The following NUBPL variants were observed in gnomAD, a reference collection of about 807,000 sequenced individuals.
NUBPL encodes NUBP iron-sulfur cluster assembly factor, mitochondrial.
In NUBPL, 31 loss-of-function variants were observed where a neutral mutation model predicts 45.7. The ratio of observed to expected loss-of-function variants is 0.68; its 90% CI spans 0.51 to 0.92. The LOEUF is 0.92. Ranked by LOEUF, NUBPL falls within the 40% of genes least tolerant of loss-of-function variation. The pLI, the probability that NUBPL is intolerant of heterozygous loss-of-function variation, is 0.00. For missense variants in NUBPL, 401 were observed against 398.7 expected (o/e 1.01, Z -0.05); for synonymous variants, 144 against 140.9 (o/e 1.02, Z -0.15).
intron 6 of NUBPL, among the ~76,000 whole-genome samples, chr14:31,687,659 C>A (rs1010759992): frequency 6.6e-6 from 1 of 152,208 alleles, no homozygotes; most frequent in African/African-American, 2.4e-5. Flanking sequence ...CAGTTCATTT[C>A]TCCAATCAAT....
chr14:31,826,238 A>G (rs2138966399), intron 7 of NUBPL, among the ~76,000 whole-genome samples: 1 of 152,220 alleles, frequency 6.6e-6, no homozygotes, highest in African/African-American at 2.4e-5. Flanking sequence ...CTCCTGCCGC[A>G]GCCTCCCAAG....
intron 6 of NUBPL, among the ~76,000 whole-genome samples, chr14:31,677,861 G>A (rs1180772831): frequency 2.0e-5 from 3 of 152,174 alleles, no homozygotes; most frequent in African/African-American, 4.8e-5. Flanking sequence ...GTGGCAAAGC[G>A]AGACAGGCTT....
At position 31,561,470 on chromosome 14, in the gene NUBPL, G is replaced by A; in HGVS notation, c.31G>A (p.Gly11Ser). 2.1e-6 allele frequency: 3 copies of A among 1,418,458 alleles called. No homozygotes were observed. The highest frequency in any genetic ancestry group is 2.6e-5 in the Admixed American group (1 of 39,012). 87.9% of individuals were successfully genotyped at this position (1,418,458 alleles called of 1,614,324 possible). A position where few individuals can be genotyped will look rare whatever the true frequency, so the allele number is the denominator to read the frequency against. ...GATTTGGCAGCGTCTGCTGCTTTTT[G>A]GTGGGGTGTCGCTCCGGGCTGGTGG... MGIWQRLLLF[G>S]GVSLRAGGGA... The change falls in exon 1 of 11, where the codon GGT becomes AGT. Residue 11 changes from glycine (G) to serine (S), a missense_variant. Coordinates refer to ENST00000281081, the MANE Select transcript of NUBPL (RefSeq NM_025152.3).
At chr14:31,636,301 GC>G (rs1386003688) in intron 4 of NUBPL, among the ~76,000 whole-genome samples, 1 of 152,012 alleles carries the variant, frequency 6.6e-6, no homozygotes, top group Non-Finnish European at 1.5e-5. Context: ...TTAGCATGAA[GC>G]GTTGTTGAAT....
At chr14:31,779,801 C>T (rs936260143) in intron 6 of NUBPL, among the ~76,000 whole-genome samples, 1 of 152,170 alleles carries the variant, frequency 6.6e-6, no homozygotes, top group Non-Finnish European at 1.5e-5. Flanking sequence ...AACTTTTTCT[C>T]TCCACAGTGA....
At chr14:31,583,738 T>A (rs2033923526) in intron 3 of NUBPL, among the ~76,000 whole-genome samples, 1 of 152,108 alleles carries the variant, frequency 6.6e-6, no homozygotes. Flanking sequence ...GGTTAGGCTA[T>A]TACAGTAACC....
At chr14:31,752,970 C>T (rs1039432626) in intron 6 of NUBPL, among the ~76,000 whole-genome samples, 12 of 152,130 alleles carry the variant, frequency 7.9e-5, no homozygotes, top group African/African-American at 2.2e-4. Context: ...CATCAGATCT[C>T]GTGAGAACTC....
chr14:31,730,871 G>A (rs2038034974), intron 6 of NUBPL, among the ~76,000 whole-genome samples: 1 of 152,148 alleles, frequency 6.6e-6, no homozygotes, highest in Non-Finnish European at 1.5e-5. Flanking sequence ...GTCAGCCAAT[G>A]TGTCAGTTTA....
intron 3 of NUBPL, among the ~76,000 whole-genome samples, chr14:31,598,342 A>G (rs2034338127): frequency 6.6e-6 from 1 of 152,130 alleles, no homozygotes; most frequent in South Asian, 2.1e-4. Flanking sequence ...TTTTCAAAAA[A>G]TTTTGTCGAG....
chr14:31,854,556 C>T (rs528691897), intron 10 of NUBPL, among the ~76,000 whole-genome samples: 1 of 152,288 alleles, frequency 6.6e-6, no homozygotes, highest in South Asian at 2.1e-4. Context: ...TTATTATATG[C>T]TTCCTCTGTA....
intron 6 of NUBPL, among the ~76,000 whole-genome samples, chr14:31,769,649 C>G (rs1230167656): frequency 2.7e-5 from 4 of 149,406 alleles, no homozygotes; most frequent in African/African-American, 1.0e-4. Flanking sequence ...TAAGGTAACC[C>G]TCTCCTTTTT....
intron 7 of NUBPL, among the ~76,000 whole-genome samples, chr14:31,823,520 G>A (rs570905574): frequency 4.6e-5 from 7 of 152,176 alleles, no homozygotes; most frequent in African/African-American, 1.7e-4. Context: ...TGCTTATGTA[G>A]GAAGAGAATA....
At chr14:31,710,400 G>A (rs191468872) in intron 6 of NUBPL, among the ~76,000 whole-genome samples, 15 of 152,178 alleles carry the variant, frequency 9.9e-5, no homozygotes, top group East Asian at 5.8e-4. Context: ...CCTGCTGATC[G>A]GAATAGTTGC....
At chr14:31,755,334 A>G (rs1288804173) in intron 6 of NUBPL, among the ~76,000 whole-genome samples, 3 of 152,032 alleles carry the variant, frequency 2.0e-5, no homozygotes, top group African/African-American at 4.8e-5. Context: ...AAGTGTTCCT[A>G]TTTCTCCACA....
chr14:31,762,220 C>G (rs932673474), intron 6 of NUBPL, among the ~76,000 whole-genome samples: 3 of 152,116 alleles, frequency 2.0e-5, no homozygotes, highest in East Asian at 1.9e-4. Flanking sequence ...GGCCTTGAGG[C>G]AAGTATAGTA....
intron 4 of NUBPL, among the ~76,000 whole-genome samples, chr14:31,666,369 A>T (rs996477087): frequency 1.3e-5 from 2 of 151,204 alleles, no homozygotes; most frequent in African/African-American, 4.9e-5. Flanking sequence ...GGTTCAAACA[A>T]TTCTTCTGCT....
At chr14:31,748,780 T>A (rs2038457226) in intron 6 of NUBPL, among the ~76,000 whole-genome samples, 2 of 152,100 alleles carry the variant, frequency 1.3e-5, no homozygotes, top group African/African-American at 4.8e-5. Context: ...ACCTGGCTAA[T>A]TTTTGTATTT....
chr14:31,791,243 A>C (rs551649461), intron 7 of NUBPL, among the ~76,000 whole-genome samples: 1 of 152,318 alleles, frequency 6.6e-6, no homozygotes, highest in East Asian at 1.9e-4. Flanking sequence ...ATGCTATTGC[A>C]CTCCAAACTG....
chr14:31,700,542 G>A (rs1566509138), intron 6 of NUBPL, among the ~76,000 whole-genome samples: 1 of 152,150 alleles, frequency 6.6e-6, no homozygotes, highest in Non-Finnish European at 1.5e-5. Flanking sequence ...GGGAGGTGTG[G>A]AGGGAGAGGT....
Sources: gnomAD v4.1 joint callset for allele counts (sites outside exome capture counted in the v4.1 genomes callset) on GRCh38, gnomAD v4.1.1 for gene constraint, MANE v1.5 for transcripts, NCBI Gene and HGNC (gene_info 2026-07-23, HGNC 2026-07-21) for gene names.